The following RBM33 variants were observed in gnomAD, a reference collection of about 807,000 sequenced individuals.
The protein encoded by RBM33 is RNA binding motif protein 33.
A neutral mutation model predicts 132.6 loss-of-function variants in RBM33; 28 were observed. That is an observed-to-expected ratio of 0.21 (90% CI 0.16 to 0.29). The LOEUF is 0.29. RBM33 is among the 10% of genes least tolerant of loss of function. The pLI, the probability that RBM33 is intolerant of heterozygous loss-of-function variation, is 1.00. For synonymous variants in RBM33, 634 were observed against 593.0 expected, an observed-to-expected ratio of 1.07 and a Z score of -1.01; for missense variants, 1,291 against 1,518.5, an observed-to-expected ratio of 0.85 and a Z score of 2.49.
intron 5 of RBM33, among the ~76,000 whole-genome samples, chr7:155,681,550 A>G (rs534342341): frequency 4.6e-5 from 7 of 152,184 alleles, no homozygotes; most frequent in Admixed American, 1.3e-4. Context: ...TCACCTTTAA[A>G]TGACTCATTA....
At chr7:155,727,196 T>C (rs893453422) in intron 9 of RBM33, among the ~76,000 whole-genome samples, 2 of 152,208 alleles carry the variant, frequency 1.3e-5, no homozygotes, top group Non-Finnish European at 2.9e-5. Flanking sequence ...TTTGTCTGTA[T>C]TCCAGGCCGA....
chr7:155,705,162 A>G (rs966731359), intron 6 of RBM33, among the ~76,000 whole-genome samples: 1 of 152,214 alleles, frequency 6.6e-6, no homozygotes, highest in African/African-American at 2.4e-5. Context: ...AAAACACTTA[A>G]AGGGAAATTA....
intron 3 of RBM33, among the ~76,000 whole-genome samples, chr7:155,675,655 A>G (rs1410133176): frequency 1.3e-5 from 2 of 152,168 alleles, no homozygotes. Flanking sequence ...CTACCTCCTG[A>G]ATCATTTTGA....
At chr7:155,730,609 G>A (rs1213978171) in intron 9 of RBM33, among the ~76,000 whole-genome samples, 1 of 152,194 alleles carries the variant, frequency 6.6e-6, no homozygotes, top group African/African-American at 2.4e-5. Flanking sequence ...GACAGGGCTG[G>A]GAGAGCTGTC....
chr7:155,696,402 A>G (rs1159498573), intron 5 of RBM33, among the ~76,000 whole-genome samples: 1 of 152,284 alleles, frequency 6.6e-6, no homozygotes, highest in South Asian at 2.1e-4. Context: ...TTTTCAATCT[A>G]TATCCATTTC....
At chr7:155,685,943 A>G (rs1202578497) in intron 5 of RBM33, among the ~76,000 whole-genome samples, 2 of 152,214 alleles carry the variant, frequency 1.3e-5, no homozygotes, top group African/African-American at 2.4e-5. Context: ...CCCCCCCAGT[A>G]TGAATAATAC....
chr7:155,723,640 A>G (rs1418296998), intron 9 of RBM33, among the ~76,000 whole-genome samples: 1 of 152,132 alleles, frequency 6.6e-6, no homozygotes, highest in East Asian at 1.9e-4. Context: ...AAATTCAGTA[A>G]CCCTTTAACT....
chr7:155,685,106 ACTTAAAATGAGCAT>A, intron 5 of RBM33: 1 of 1,519,956 alleles, frequency 6.6e-7, no homozygotes, highest in East Asian at 2.5e-5. Flanking sequence ...CCTCCCCCAG[ACTTAAAATGAGCAT>A]CTTTTTAGCA....
At chr7:155,726,029 G>C (rs567150459) in intron 9 of RBM33, among the ~76,000 whole-genome samples, 11 of 152,332 alleles carry the variant, frequency 7.2e-5, no homozygotes, top group African/African-American at 2.6e-4. Flanking sequence ...AATTACGTCA[G>C]GGGTCACTAG....
At chr7:155,711,017 A>G (rs546089116) in intron 7 of RBM33, among the ~76,000 whole-genome samples, 186 bp from the exon 8 acceptor site, 6 of 151,788 alleles carry the variant, frequency 4.0e-5, no homozygotes, top group Non-Finnish European at 8.8e-5. Flanking sequence ...GAAGAAGTAG[A>G]GAAGCTTCTT....
At chr7:155,675,542 A>G (rs1172595663) in intron 3 of RBM33, among the ~76,000 whole-genome samples, 1 of 152,022 alleles carries the variant, frequency 6.6e-6, no homozygotes, top group Non-Finnish European at 1.5e-5. Context: ...TCAAGCATAC[A>G]CAAAAGAGGA....
intron 5 of RBM33, among the ~76,000 whole-genome samples, chr7:155,681,273 T>C (rs1375559080): frequency 1.3e-5 from 2 of 152,232 alleles, no homozygotes; most frequent in Admixed American, 6.5e-5. Context: ...GCGAAAAGAT[T>C]ATTGACCTGC....
intron 11 of RBM33, chr7:155,739,060 A>G (rs1801228611): frequency 6.6e-6 from 1 of 152,408 alleles, no homozygotes; most frequent in Non-Finnish European, 1.5e-5. Context: ...TACGTATCTA[A>G]GCCAAAAACG....
chr7:155,779,804 T>A lies in RBM33; in HGVS notation c.*4763T>A, dbSNP rs1802751951. The A allele has an allele frequency of 6.6e-6, 1 of 152,230 alleles. No individual in the cohort carries two copies. Among genetic ancestry groups the A allele is most frequent in the South Asian group, 2.1e-4 (1 of 4,830 alleles). 9.4% of individuals were successfully genotyped at this position (152,230 alleles called of 1,614,324 possible). A position where few individuals can be genotyped will look rare whatever the true frequency, so the allele number is the denominator to read the frequency against. On this transcript the variant is annotated 3_prime_UTR_variant, in exon 18 of 18. Transcript: ENST00000401878. ...GTGTCATGTTTTGGTAGGAAATCTT[T>A]AAGATTGGCGGACGGAACAGGTATT...
chr7:155,657,240 G>C (rs1424621), intron 1 of RBM33, among the ~76,000 whole-genome samples: 1 of 152,060 alleles, frequency 6.6e-6, no homozygotes, highest in Non-Finnish European at 1.5e-5. Context: ...TGAAATTTCC[G>C]GAAAGTGCTA....
intron 14 of RBM33, among the ~76,000 whole-genome samples, chr7:155,758,712 A>G (rs559250338): frequency 3.9e-5 from 6 of 152,132 alleles, no homozygotes; most frequent in Non-Finnish European, 7.4e-5. Flanking sequence ...GCAGGTTTGT[A>G]GGAAGAGTCT....
chr7:155,714,960 T>TCAC (rs1264724886), intron 8 of RBM33, among the ~76,000 whole-genome samples: 1 of 152,040 alleles, frequency 6.6e-6, no homozygotes, highest in African/African-American at 2.4e-5. Context: ...TGTCTGCGGG[T>TCAC]CACCACCAGG....
rs776057945 is a variant in RBM33 at position 155,741,847 on chromosome 7, G to A, written c.2078G>A (p.Arg693Gln). 33 of 1,612,672 alleles carry A rather than the reference G, an allele frequency of 2.0e-5. No individual in the cohort carries two copies. The highest frequency in any genetic ancestry group is 7.7e-5 in the South Asian group (7 of 91,052). Reference sequence around the variant, plus strand: ...ACAACTTCTCAGAATGTAAGCAAGCGGCCCATGCAGCAAATGCAGCCCACT... The same window carrying A: ...ACAACTTCTCAGAATGTAAGCAAGCAGCCCATGCAGCAAATGCAGCCCACT... The part of the protein sequence containing the change: ...HNTTSQNVSK[R>Q]PMQQMQPTAP... The change falls in exon 13 of 18, where the codon CGG becomes CAG. Residue 693 changes from arginine (R) to glutamine (Q), a missense_variant. Transcript: ENST00000401878.
In RBM33 at chr7:155,745,486, C is replaced by G; in HGVS notation, c.2863C>G (p.Arg955Gly). Residue 955 changes from arginine to glycine, a missense_variant, in exon 14 of 18, where the codon CGG becomes GGG. This residue lies in a region of RBM33 where 841 missense variants were observed against 912.0 expected (regional missense o/e 0.92). Transcript: ENST00000401878. This position sits in a 1 kb window ranked among gnomAD's most constrained non-coding sequence, Gnocchi z 4.1. ...TCCTCGAGTGGCGTCCATCCAGGGCCGGCCCCAGGACACAAAGCCTGGCGT... is the reference window on the plus strand; with the variant it reads ...TCCTCGAGTGGCGTCCATCCAGGGCGGGCCCCAGGACACAAAGCCTGGCGT... The part of the protein sequence containing the change: ...QTPRVASIQG[R>G]PQDTKPGVKR... 1 of 1,613,646 alleles carries G rather than the reference C, an allele frequency of 6.2e-7. No individual in the cohort carries two copies. The highest frequency in any genetic ancestry group is 8.5e-7 in the Non-Finnish European group (1 of 1,179,794).
Sources: gnomAD v4.1 joint callset for allele counts (sites outside exome capture counted in the v4.1 genomes callset) on GRCh38, gnomAD v4.1.1 for gene constraint, gnomAD v4.1.1 regional missense constraint, Gnocchi (gnomAD v3.1) non-coding constraint, MANE v1.5 for transcripts, NCBI Gene and HGNC (gene_info 2026-07-23, HGNC 2026-07-21) for gene names.